The following PITPNM2 variants were observed in gnomAD, a reference collection of about 807,000 sequenced individuals.
PITPNM2 encodes membrane-associated phosphatidylinositol transfer protein 2.
PITPNM2 carries 35 observed loss-of-function variants against 132.2 expected under a neutral mutation model. That is an observed-to-expected ratio of 0.26 (90% CI 0.20 to 0.35). The LOEUF (loss-of-function observed/expected upper bound fraction) is 0.35, where lower values mean the gene tolerates loss of function less well. Ranked by LOEUF, PITPNM2 falls within the 10% of genes least tolerant of loss-of-function variation. PITPNM2 has a pLI of 1.00. For missense variants in PITPNM2, 1,332 were observed against 1,912.0 expected, an observed-to-expected ratio of 0.70 and a Z score of 5.66; for synonymous variants, 738 against 799.2, an observed-to-expected ratio of 0.92 and a Z score of 1.29.
In PITPNM2 at chr12:123,063,910, C is replaced by T. The variant is rs73411085; in HGVS notation, c.-95-29225G>A. Among the ~76,000 whole-genome samples, 981 of 151,876 alleles carry T rather than the reference C, an allele frequency of 6.5e-3. 14 individuals carry two copies. The highest frequency in any genetic ancestry group is 0.022 in the African/African-American group (926 of 41,392). On this transcript the variant is annotated intron_variant, in intron 2 of 25. Transcript: ENST00000320201. The stretch of plus-strand genomic sequence containing the variant: ...TAGGTATGTGGACCTAGTCCAATAC[C>T]ACACACACCTCATAGGGTAGTAAGG...
chr12:122,985,543 C>T lies in PITPNM2; in HGVS notation c.*484G>A, dbSNP rs575371099. 1.9e-5 allele frequency: 3 copies of T among 155,998 alleles called. No homozygotes were observed. The highest frequency in any genetic ancestry group is 2.8e-5 in the Non-Finnish European group (2 of 70,512). 9.7% of individuals were successfully genotyped at this position (155,998 alleles called of 1,614,324 possible). A position where few individuals can be genotyped will look rare whatever the true frequency, so the allele number is the denominator to read the frequency against. On this transcript the variant is annotated 3_prime_UTR_variant, in exon 26 of 26. Transcript: ENST00000320201. ...GCCATAGGAGGTGGTAATGGGTCTC[C>T]GCTCTCAAAAATCAGTGCAAAACCA...
At chr12:123,144,014 G>A (rs1347297068) in intron 1 of PITPNM2, among the ~76,000 whole-genome samples, 1 of 152,194 alleles carries the variant, frequency 6.6e-6, no homozygotes, top group African/African-American at 2.4e-5. Flanking sequence ...AATTACCCTA[G>A]TCACTAAAAT....
intron 1 of PITPNM2, among the ~76,000 whole-genome samples, chr12:123,116,203 A>G (rs1047592832): frequency 2.0e-5 from 3 of 152,220 alleles, no homozygotes; most frequent in Non-Finnish European, 4.4e-5. Flanking sequence ...CTAAGAATTG[A>G]AAGCAGGATG....
intron 2 of PITPNM2, among the ~76,000 whole-genome samples, chr12:123,109,567 C>T (rs1269798387): frequency 6.6e-6 from 1 of 152,218 alleles, no homozygotes; most frequent in Non-Finnish European, 1.5e-5. Context: ...TGTTTCTGGG[C>T]CACTGACCAT....
Position 123,023,291 on chromosome 12 carries a change from C to T in PITPNM2, c.79-9249G>A, listed in dbSNP as rs747106488. ...GAATGTCAGTGCGCAGGCGTGCATG[C>T]GTGCACACACATGTGGCGTGTGTGT... On this transcript the variant is annotated intron_variant, in intron 3 of 25. Transcript: ENST00000320201. This position sits in a 1 kb window ranked among gnomAD's most constrained non-coding sequence, Gnocchi z 4.8. 5.9e-5 allele frequency among the ~76,000 whole-genome samples: 9 copies of T among 152,186 alleles called. 1 individual carries two copies. Among genetic ancestry groups the T allele is most frequent in the South Asian group, 4.1e-4 (2 of 4,828 alleles).
At chr12:123,021,287 G>A (rs2039662851) in intron 3 of PITPNM2, among the ~76,000 whole-genome samples, 1 of 152,104 alleles carries the variant, frequency 6.6e-6, no homozygotes, top group African/African-American at 2.4e-5. Context: ...TGGGCCACAG[G>A]GGCCCCAGCC....
At chr12:123,007,465 C>T (rs915795281) in intron 6 of PITPNM2, 2 of 453,426 alleles carry the variant, frequency 4.4e-6, no homozygotes, top group African/African-American at 4.0e-5. Context: ...ACCCCCGCCT[C>T]CCCTAGAGCA....
At chr12:123,010,337 GC>G (rs2039133652) in intron 5 of PITPNM2, among the ~76,000 whole-genome samples, 2 of 152,160 alleles carry the variant, frequency 1.3e-5, no homozygotes, top group African/African-American at 4.8e-5. Flanking sequence ...TCCCACCTCA[GC>G]CTCTCAAAGT....
At chr12:123,034,906 G>A (rs2040216428) in intron 2 of PITPNM2, among the ~76,000 whole-genome samples, 1 of 152,220 alleles carries the variant, frequency 6.6e-6, no homozygotes, top group Non-Finnish European at 1.5e-5. Flanking sequence ...CTATGTGTAA[G>A]CTCTCTGATC....
rs1480581097 is a variant in PITPNM2, at chr12:123,106,953, C to T, written c.-96+3432G>A. 6.6e-6 allele frequency among the ~76,000 whole-genome samples: 1 copy of T among 152,226 alleles called. No individual in the cohort carries two copies. Among genetic ancestry groups the T allele is most frequent in the Non-Finnish European group, 1.5e-5 (1 of 68,038 alleles). The stretch of plus-strand genomic sequence containing the variant: ...AGGAGGGACTAGGAAGCAAGGCCCT[C>T]GCTGCAGGTAGGGCTCTGCTGCTGC... On this transcript the variant is annotated intron_variant, in intron 2 of 25. Coordinates refer to ENST00000320201, the MANE Select transcript of PITPNM2 (RefSeq NM_020845.3). The surrounding 1 kb of genome is among the most constrained non-coding windows in gnomAD (Gnocchi z 4.4).
intron 2 of PITPNM2, among the ~76,000 whole-genome samples, chr12:123,069,398 C>T (rs2041552010): frequency 6.6e-6 from 1 of 152,170 alleles, no homozygotes; most frequent in African/African-American, 2.4e-5. Flanking sequence ...AAACACGGGG[C>T]CTGGTACAAT....
intron 3 of PITPNM2, among the ~76,000 whole-genome samples, chr12:123,021,482 C>T (rs2039668731): frequency 6.6e-6 from 1 of 152,196 alleles, no homozygotes; most frequent in Non-Finnish European, 1.5e-5. Flanking sequence ...CAGGCGTGCA[C>T]CCCACCACAC....
Position 123,097,646 on chromosome 12 carries a change from TTGCC to T in PITPNM2, c.-96+12735_-96+12738del, listed in dbSNP as rs1245000152. Among the ~76,000 whole-genome samples, 3 of 152,188 alleles carry T rather than the reference TTGCC, an allele frequency of 2.0e-5. No homozygotes were observed. Among genetic ancestry groups the T allele is most frequent in the Admixed American group, 6.5e-5 (1 of 15,282 alleles). ...CGCTCTCCAGTGCAGCCTGCCTCAC[TTGCC>T]TGCCTGCCTGCCTTCCTTGCCTGCC... On this transcript the variant is annotated intron_variant, in intron 2 of 25. Transcript: ENST00000320201. This position sits in a 1 kb window ranked among gnomAD's most constrained non-coding sequence, Gnocchi z 4.7.
chr12:123,048,242 C>A (rs963793118), intron 2 of PITPNM2, among the ~76,000 whole-genome samples: 1 of 152,138 alleles, frequency 6.6e-6, no homozygotes, highest in Non-Finnish European at 1.5e-5. Flanking sequence ...CATGGATGAA[C>A]TCTGAAGACA....
In PITPNM2 at chr12:123,000,505, C is replaced by A. The variant is rs1191941193; in HGVS notation, c.1224+273G>T. Reference sequence around the variant, plus strand: ...TGGAATTTACAAGTTTCTCATTTTACTTTCCCATGGGTGGAGCTTGGATAA... The same window carrying A: ...TGGAATTTACAAGTTTCTCATTTTAATTTCCCATGGGTGGAGCTTGGATAA... On this transcript the variant is annotated intron_variant, in intron 10 of 25. Transcript: ENST00000320201. The surrounding 1 kb of genome is among the most constrained non-coding windows in gnomAD (Gnocchi z 5.4). 1.4e-6 allele frequency: 1 copy of A among 701,848 alleles called. No individual in the cohort carries two copies. Among genetic ancestry groups the A allele is most frequent in the Non-Finnish European group, 2.6e-6 (1 of 384,408 alleles). The allele number at this position is 701,848 out of a possible 1,614,324, so 43.5% of individuals were successfully genotyped here.
At chr12:123,025,712 G>A (rs2136366177) in intron 3 of PITPNM2, among the ~76,000 whole-genome samples, 1 of 152,206 alleles carries the variant, frequency 6.6e-6, no homozygotes, top group Middle Eastern at 3.4e-3. Flanking sequence ...GATTACAGGT[G>A]TGAGCCACCG....
At chr12:123,060,645 T>C (rs917381827) in intron 2 of PITPNM2, among the ~76,000 whole-genome samples, 3 of 152,112 alleles carry the variant, frequency 2.0e-5, no homozygotes, top group Admixed American at 1.3e-4. Flanking sequence ...GCACTCCTAT[T>C]GGAAAGGGAT....
At chr12:123,010,187 G>A (rs1386997787) in intron 5 of PITPNM2, 110 bp from the exon 6 acceptor site, 3 of 885,708 alleles carry the variant, frequency 3.4e-6, no homozygotes, top group Admixed American at 4.7e-5. Context: ...GCCTTGCCCT[G>A]CCAGAGGGAC....
In PITPNM2 at chr12:122,988,712, G is replaced by A; in HGVS notation, c.2880+12C>T. 3 of 1,553,210 alleles carry A rather than the reference G, an allele frequency of 1.9e-6. No homozygotes were observed. The highest frequency in any genetic ancestry group is 2.6e-6 in the Non-Finnish European group (3 of 1,147,750). On this transcript the variant is annotated intron_variant, in intron 19 of 25. Coordinates refer to ENST00000320201, the MANE Select transcript of PITPNM2 (RefSeq NM_020845.3). ...CTCAGGGCCCTCCTGGGAGGTCCCA[G>A]GCCCCGGGTACCTGTCTCAGCAGAA...
Sources: gnomAD v4.1 joint callset for allele counts (sites outside exome capture counted in the v4.1 genomes callset) on GRCh38, gnomAD v4.1.1 for gene constraint, Gnocchi (gnomAD v3.1) non-coding constraint, MANE v1.5 for transcripts, NCBI Gene and HGNC (gene_info 2026-07-23, HGNC 2026-07-21) for gene names.